Variants in C2CD3 observed in about 807,000 individuals in gnomAD.
The protein encoded by C2CD3 is C2 domain-containing protein 3.
In C2CD3, 148 loss-of-function variants were observed where a neutral mutation model predicts 234.0. That is an observed-to-expected ratio of 0.63 (90% CI 0.55 to 0.72). The LOEUF (loss-of-function observed/expected upper bound fraction) is 0.72, where lower values mean the gene tolerates loss of function less well. Ranked by LOEUF, C2CD3 falls within the 30% of genes least tolerant of loss-of-function variation. The pLI is 0.00. For synonymous variants in C2CD3, 1,000 were observed against 1,035.4 expected, an observed-to-expected ratio of 0.97 and a Z score of 0.66; for missense variants, 2,577 against 2,811.5, an observed-to-expected ratio of 0.92 and a Z score of 1.89.
At chr11:74,111,578 G>A (rs1313433229) in intron 11 of C2CD3, among the ~76,000 whole-genome samples, 3 of 151,848 alleles carry the variant, frequency 2.0e-5, no homozygotes, top group Admixed American at 6.6e-5. Context: ...GAAAAAATTC[G>A]AAATCCTAAA....
Position 74,168,428 on chromosome 11 carries a change from A to G in C2CD3, c.241T>C (p.Leu81=), listed in dbSNP as rs1461398336. The change falls in exon 2 of 33, where the codon TTG becomes CTG. Residue 81 remains leucine, a synonymous_variant. Coordinates refer to ENST00000334126, the MANE Select transcript of C2CD3 (RefSeq NM_001286577.2). The stretch of plus-strand genomic sequence containing the variant: ...CTCACAGCTTTTGGTTCAGTCTGCA[A>G]TGCATCCCTGGGACAAAAGAGGGTT... The part of the protein sequence containing the change: ...DGTLFCPRDA[L]QTEPKAVRTT... 10 of 1,614,038 alleles carry G rather than the reference A, an allele frequency of 6.2e-6. No homozygotes were observed. The highest frequency in any genetic ancestry group is 1.3e-5 in the African/African-American group (1 of 74,932).
intron 2 of C2CD3, 98 bp downstream of exon 2, chr11:74,168,246 G>T: frequency 2.2e-6 from 2 of 914,976 alleles, no homozygotes; most frequent in Non-Finnish European, 3.4e-6. Context: ...AATTAAGAAT[G>T]CCCATATATG....
intron 32 of C2CD3, among the ~76,000 whole-genome samples, chr11:74,026,180 C>A (rs1952288702): frequency 6.6e-6 from 1 of 152,092 alleles, no homozygotes; most frequent in Non-Finnish European, 1.5e-5. Context: ...TGGTGGTGCA[C>A]ACCTGTGGTC....
At chr11:74,162,299 T>A (rs1479994850) in intron 2 of C2CD3, among the ~76,000 whole-genome samples, 9 of 152,214 alleles carry the variant, frequency 5.9e-5, no homozygotes, top group Non-Finnish European at 2.9e-5. Flanking sequence ...AAGTGCTGAC[T>A]GTATATGTAT....
chr11:74,100,785 G>T, intron 14 of C2CD3, 109 bp from the exon 15 acceptor site: 1 of 892,706 alleles, frequency 1.1e-6, no homozygotes. Flanking sequence ...TTAACACACA[G>T]TGTTATGAGC....
intron 29 of C2CD3, among the ~76,000 whole-genome samples, chr11:74,039,860 G>A (rs1208066405): frequency 6.6e-6 from 1 of 152,088 alleles, no homozygotes; most frequent in Non-Finnish European, 1.5e-5. Flanking sequence ...TTTTAAGTGG[G>A]TTCCAAATAG....
chr11:74,058,606 C>A (rs943352905), intron 24 of C2CD3, among the ~76,000 whole-genome samples: 1 of 152,178 alleles, frequency 6.6e-6, no homozygotes, highest in Non-Finnish European at 1.5e-5. Context: ...ATGTTCTAAA[C>A]TGTCTCCTAT....
intron 24 of C2CD3, among the ~76,000 whole-genome samples, chr11:74,059,806 G>C (rs192076599): frequency 6.6e-6 from 1 of 152,068 alleles, no homozygotes; most frequent in African/African-American, 2.4e-5. Context: ...GCAGCCCATG[G>C]AACAGGGCAG....
At position 74,034,610 on chromosome 11, in the gene C2CD3, T is replaced by C. The variant is rs200146492; in HGVS notation, c.5882-332A>G. The C allele has an allele frequency of 9.1e-5, 146 of 1,607,606 alleles. No individual in the cohort carries two copies. The highest frequency in any genetic ancestry group is 1.6e-4 in the East Asian group (7 of 44,848). On this transcript the variant is annotated intron_variant, in intron 30 of 32. Coordinates refer to ENST00000334126, the MANE Select transcript of C2CD3 (RefSeq NM_001286577.2). ...GCTTCCAGTTACTTCAGTAACTACC[T>C]ATATTAAAAATCAAAATGAGAATCC...
chr11:74,093,835 G>A lies in C2CD3; in HGVS notation c.3325C>T (p.Gln1109Ter). 6.2e-7 allele frequency: 1 copy of A among 1,613,756 alleles called. No homozygotes were observed. Among genetic ancestry groups the A allele is most frequent in the South Asian group, 1.1e-5 (1 of 91,066 alleles). The change falls in exon 18 of 33, where the codon CAG becomes TAG. Residue 1109 changes from glutamine (Q) to a stop codon, truncating the protein, a stop_gained. Transcript: ENST00000334126. LOFTEE classifies it high-confidence loss of function. ...CTGTACCTGCACCAGATTTCAAACTGGACTCCACCTCCAGGCACGAGGCCC... is the reference window on the plus strand; with the variant it reads ...CTGTACCTGCACCAGATTTCAAACTAGACTCCACCTCCAGGCACGAGGCCC... ...AQGLVPGGGV[Q>*]FEIWCRYYYP... is the part of the protein sequence containing the mutation.
intron 31 of C2CD3, among the ~76,000 whole-genome samples, chr11:74,032,823 A>G (rs1430112332): frequency 6.6e-6 from 1 of 151,820 alleles, no homozygotes; most frequent in African/African-American, 2.4e-5. Context: ...TATGGTAATA[A>G]CCTTGTACTC....
intron 11 of C2CD3, among the ~76,000 whole-genome samples, chr11:74,110,258 A>T (rs1203049242): frequency 6.6e-6 from 1 of 151,872 alleles, no homozygotes; most frequent in African/African-American, 2.4e-5. Flanking sequence ...GTTAAAATGG[A>T]TCATGAATCT....
chr11:74,086,036 A>G (rs930117366), intron 20 of C2CD3, 150 bp from the exon 21 acceptor site: 12 of 766,802 alleles, frequency 1.6e-5, no homozygotes, highest in Admixed American at 8.8e-5. Context: ...CAGTGCCACA[A>G]TGGGCTTTCT....
At chr11:74,030,502 C>T (rs1284032611) in intron 31 of C2CD3, among the ~76,000 whole-genome samples, 6 of 152,166 alleles carry the variant, frequency 3.9e-5, no homozygotes, top group African/African-American at 9.7e-5. Flanking sequence ...GTGCTGACCA[C>T]GACGTCCTGA....
At chr11:74,114,697 T>C in intron 9 of C2CD3, 104 bp from the exon 10 acceptor site, 3 of 723,702 alleles carry the variant, frequency 4.1e-6, no homozygotes, top group African/African-American at 1.8e-5. Context: ...GCAGCAAGTT[T>C]TTATTTTTTT....
At chr11:74,140,739 G>C (rs1345510234) in intron 3 of C2CD3, among the ~76,000 whole-genome samples, 1 of 152,156 alleles carries the variant, frequency 6.6e-6, no homozygotes, top group African/African-American at 2.4e-5. Context: ...ATGAATAAAA[G>C]AAGGACATAA....
At chr11:74,049,565 G>A (rs1488292190) in intron 26 of C2CD3, 23 bp from the exon 27 acceptor site, 2 of 1,594,112 alleles carry the variant, frequency 1.3e-6, no homozygotes, top group African/African-American at 1.3e-5. Flanking sequence ...GAGAAGAGCT[G>A]GGCAATGTGG....
At chr11:74,081,904 T>C (rs142258301) in intron 22 of C2CD3, among the ~76,000 whole-genome samples, 3,324 of 152,254 alleles carry the variant, frequency 0.022, 66 homozygotes, top group African/African-American at 0.047. Flanking sequence ...GGGTTTTTTT[T>C]CTAAATATAT....
intron 11 of C2CD3, among the ~76,000 whole-genome samples, chr11:74,109,952 A>ATG (rs1565304792): frequency 2.0e-5 from 3 of 150,218 alleles, no homozygotes; most frequent in African/African-American, 7.4e-5. Context: ...GCAGTGGCAG[A>ATG]CGCCTGTAGT....
Sources: allele counts gnomAD v4.1 joint callset (sites outside exome capture counted in the v4.1 genomes callset), GRCh38; gene constraint gnomAD v4.1.1; transcripts MANE v1.5; gene names NCBI Gene and HGNC (gene_info 2026-07-23, HGNC 2026-07-21).